Variants in RNF38 observed in about 807,000 individuals in gnomAD.
RNF38 encodes the protein E3 ubiquitin-protein ligase RNF38.
RNF38 carries 15 observed loss-of-function variants against 67.2 expected under a neutral mutation model. The ratio of observed to expected loss-of-function variants is 0.22; its 90% CI spans 0.15 to 0.34. RNF38 has a LOEUF of 0.34. RNF38 is among the 10% of genes least tolerant of loss of function. RNF38 has a pLI of 1.00. For synonymous variants in RNF38, 220 were observed against 218.8 expected (o/e 1.01, Z -0.05); for missense variants, 524 against 639.9 (o/e 0.82, Z 1.95).
intron 9 of RNF38, among the ~76,000 whole-genome samples, chr9:36,345,662 T>C (rs543620108): frequency 3.8e-4 from 58 of 152,346 alleles, no homozygotes; most frequent in African/African-American, 1.3e-3. Context: ...ATATTAACAC[T>C]AATTCTTTAA....
chr9:36,381,712 T>G (rs967168850), intron 2 of RNF38, among the ~76,000 whole-genome samples: 1 of 152,240 alleles, frequency 6.6e-6, no homozygotes, highest in Non-Finnish European at 1.5e-5. Flanking sequence ...AAGTCCTCAC[T>G]TCAAGATATT....
chr9:36,438,487 T>C lies in RNF38; in HGVS notation n.242-13804A>G, dbSNP rs577362096. Among the ~76,000 whole-genome samples the C allele has an allele frequency of 3.3e-5, 5 of 152,144 alleles. No homozygotes were observed. In the East Asian group the frequency reaches 9.7e-4, roughly 30 times the overall value. ...TATGTGTGCCCCAAGACAATTCTTC[T>C]TCTTCCAATGTGGCCCAGGGAAGCC... is the stretch of plus-strand genomic sequence containing the variant. On this transcript the variant is annotated intron_variant and non_coding_transcript_variant, in intron 1 of 3. Coordinates refer to the RNF38 transcript ENST00000488058.
intron 2 of RNF38, among the ~76,000 whole-genome samples, chr9:36,419,008 G>A (rs1260738635): frequency 6.6e-6 from 1 of 152,030 alleles, no homozygotes; most frequent in South Asian, 2.1e-4. Flanking sequence ...TCAAGAAAAA[G>A]GAAGTATACA....
chr9:36,448,957 G>A (rs1839373228), intron 1 of RNF38, among the ~76,000 whole-genome samples: 1 of 152,116 alleles, frequency 6.6e-6, no homozygotes, highest in Admixed American at 6.5e-5. Context: ...TTGTGCCACT[G>A]CACTCCAGCC....
chr9:36,415,245 T>C (rs1352662067), intron 2 of RNF38, among the ~76,000 whole-genome samples: 1 of 152,172 alleles, frequency 6.6e-6, no homozygotes, highest in Non-Finnish European at 1.5e-5. Flanking sequence ...GTTTTTTTCT[T>C]TTTTGTCACA....
At chr9:36,446,459 C>T (rs952212869) in intron 1 of RNF38, among the ~76,000 whole-genome samples, 1 of 152,058 alleles carries the variant, frequency 6.6e-6, no homozygotes, top group African/African-American at 2.4e-5. Context: ...ACAACTGTTT[C>T]TTTCTTTCTT....
intron 1 of RNF38, among the ~76,000 whole-genome samples, chr9:36,446,383 T>C: frequency 6.6e-6 from 1 of 152,240 alleles, no homozygotes; most frequent in East Asian, 1.9e-4. Flanking sequence ...ACAGTTTACA[T>C]GAAATGCTTT....
At chr9:36,364,973 A>C (rs1161299792) in intron 4 of RNF38, among the ~76,000 whole-genome samples, 1 of 152,178 alleles carries the variant, frequency 6.6e-6, no homozygotes, top group Non-Finnish European at 1.5e-5. Context: ...TGAATGTTTT[A>C]GGTTTGTGGG....
At chr9:36,455,555 G>T (rs1839567899) in intron 1 of RNF38, among the ~76,000 whole-genome samples, 1 of 152,036 alleles carries the variant, frequency 6.6e-6, no homozygotes, top group Non-Finnish European at 1.5e-5. Context: ...GGCCGAGGCG[G>T]GTGGATCATG....
upstream of RNF38, among the ~76,000 whole-genome samples, chr9:36,401,942 A>G (rs1838050593): frequency 6.6e-6 from 1 of 152,194 alleles, no homozygotes; most frequent in South Asian, 2.1e-4. Flanking sequence ...CAACCAGTAG[A>G]AAATGGGGGA....
intron 10 of RNF38, among the ~76,000 whole-genome samples, chr9:36,344,302 A>C (rs1041684621): frequency 6.6e-6 from 1 of 152,344 alleles, no homozygotes; most frequent in African/African-American, 2.4e-5. Flanking sequence ...TGTGTGAGCC[A>C]CTGCGCCCGG....
intron 1 of RNF38, among the ~76,000 whole-genome samples, chr9:36,393,417 G>A (rs966899397): frequency 1.3e-5 from 2 of 151,056 alleles, no homozygotes; most frequent in African/African-American, 2.4e-5. Context: ...ACCATAGATG[G>A]GCTTGATTAA....
At chr9:36,395,691 T>G (rs1364810978) in intron 1 of RNF38, among the ~76,000 whole-genome samples, 1 of 152,206 alleles carries the variant, frequency 6.6e-6, no homozygotes, top group Non-Finnish European at 1.5e-5. Context: ...CTCTAATATT[T>G]AAACTGACAA....
intron 2 of RNF38, among the ~76,000 whole-genome samples, chr9:36,387,493 A>C (rs1836735151): frequency 6.6e-6 from 1 of 152,244 alleles, no homozygotes; most frequent in Non-Finnish European, 1.5e-5. Flanking sequence ...AGACATGCCT[A>C]ATTTTAAAAC....
rs763748954 is a variant in RNF38, at chr9:36,369,730, T to C, written c.559A>G (p.Ile187Val). ...PPQQNAVMVD[I>V]HDQLHQGTVP... ...TTCTGTTATTGTACCTGATCATGTATGTCAACCATGACTGCATTCTGCTGG... is the reference window on the plus strand; with the variant it reads ...TTCTGTTATTGTACCTGATCATGTACGTCAACCATGACTGCATTCTGCTGG... The change falls in exon 4 of 12, where the codon ATA (isoleucine) becomes GTA (valine). Residue 187 changes from isoleucine to valine, a missense_variant. Physicochemically the swap from Ile to Val is conservative, Grantham distance 29. Coordinates refer to ENST00000259605, the MANE Select transcript of RNF38 (RefSeq NM_022781.5). 2 of 1,611,798 alleles carry C rather than the reference T, an allele frequency of 1.2e-6. No individual in the cohort carries two copies. Among genetic ancestry groups the C allele is most frequent in the Non-Finnish European group, 8.5e-7 (1 of 1,178,770 alleles).
intron 4 of RNF38, among the ~76,000 whole-genome samples, chr9:36,365,662 GTTTTTTTT>G (rs759974775): frequency 2.9e-5 from 3 of 103,600 alleles, no homozygotes; most frequent in South Asian, 3.4e-4. Flanking sequence ...AAGACTGATA[GTTTTTTTT>G]TTTTTTTTTT....
intron 1 of RNF38, among the ~76,000 whole-genome samples, chr9:36,478,194 G>C (rs1840164619): frequency 6.6e-6 from 1 of 151,842 alleles, no homozygotes; most frequent in Non-Finnish European, 1.5e-5. Flanking sequence ...CAGCACTTTG[G>C]GAGGCTGAGA....
chr9:36,478,504 T>C (rs1381503806), intron 1 of RNF38, among the ~76,000 whole-genome samples: 2 of 125,656 alleles, frequency 1.6e-5, no homozygotes, highest in Non-Finnish European at 3.3e-5. Context: ...TTCGCAAAAA[T>C]GTAAGTATTT....
chr9:36,398,821 G>A (rs1246435447), intron 1 of RNF38, among the ~76,000 whole-genome samples: 1 of 152,190 alleles, frequency 6.6e-6, no homozygotes, highest in East Asian at 1.9e-4. Flanking sequence ...AGGTAGTACA[G>A]AGAAATAGGT....
Sources: gnomAD v4.1 joint callset for allele counts (sites outside exome capture counted in the v4.1 genomes callset) on GRCh38, gnomAD v4.1.1 for gene constraint, MANE v1.5 for transcripts, NCBI Gene and HGNC (gene_info 2026-07-23, HGNC 2026-07-21) for gene names.